The following RBM33 variants were observed in gnomAD, a reference collection of about 807,000 sequenced individuals.
RBM33 encodes the protein RNA-binding protein 33.
A neutral mutation model predicts 132.6 loss-of-function variants in RBM33; 28 were observed. The observed-to-expected ratio is 0.21, with a 90% confidence interval of 0.16 to 0.29. The LOEUF is 0.29. RBM33 is among the 10% of genes least tolerant of loss of function. RBM33 has a pLI of 1.00. For missense variants in RBM33, 1,291 were observed against 1,518.5 expected (o/e 0.85, Z 2.49); for synonymous variants, 634 against 593.0 (o/e 1.07, Z -1.01).
At chr7:155,658,381 T>A (rs1042902955) in intron 1 of RBM33, among the ~76,000 whole-genome samples, 1 of 149,944 alleles carries the variant, frequency 6.7e-6, no homozygotes, top group Non-Finnish European at 1.5e-5. Context: ...AGCATATAGT[T>A]GGATTTTTTT....
intron 7 of RBM33, among the ~76,000 whole-genome samples, chr7:155,711,002 A>G (rs1350699530): frequency 6.6e-6 from 1 of 151,046 alleles, no homozygotes; most frequent in Non-Finnish European, 1.5e-5. Context: ...TGTAGCCCTC[A>G]TTGTGAAGAA....
intron 10 of RBM33, 141 bp from the exon 11 acceptor site, chr7:155,737,919 A>G: frequency 1.2e-6 from 1 of 861,978 alleles, no homozygotes; most frequent in Non-Finnish European, 1.8e-6. Flanking sequence ...AATAAGAGGC[A>G]AAATCTGGAA....
At chr7:155,691,697 G>A (rs1799647347) in intron 5 of RBM33, among the ~76,000 whole-genome samples, 1 of 152,108 alleles carries the variant, frequency 6.6e-6, no homozygotes, top group Non-Finnish European at 1.5e-5. Flanking sequence ...AGTTCTAGAC[G>A]TTTTTAACTT....
rs201816916 is a variant in RBM33 at position 155,697,803 on chromosome 7, C to T, written c.568-2970C>T. ...CGAAATAAAGCCTAAGTGGACCTCT[C>T]TGTTTTTTTAAGTACTTTGATGGTG... On this transcript the variant is annotated intron_variant, in intron 5 of 17. Coordinates refer to ENST00000401878, the MANE Select transcript of RBM33 (RefSeq NM_053043.3). Among the ~76,000 whole-genome samples, 3 of 152,152 alleles carry T rather than the reference C, an allele frequency of 2.0e-5. No individual in the cohort carries two copies. The East Asian group carries it at 5.8e-4, about 29-fold the overall frequency.
chr7:155,726,547 T>C (rs1282588498), intron 9 of RBM33, among the ~76,000 whole-genome samples: 3 of 152,208 alleles, frequency 2.0e-5, no homozygotes, highest in Non-Finnish European at 4.4e-5. Flanking sequence ...AGAGCACTTA[T>C]TTGAGAGGAT....
In RBM33 at chr7:155,644,882, G is replaced by C; in HGVS notation, c.6G>C (p.Ala2=). M[A]AALGASGGAG... ...GGCCGGGCCCCGCGAGTGCCATGGC[G>C]GCCGCCCTGGGAGCGAGCGGAGGAG... The change falls in exon 1 of 18, where the codon GCG becomes GCC. Residue 2 remains alanine, a synonymous_variant. Coordinates refer to ENST00000401878, the MANE Select transcript of RBM33 (RefSeq NM_053043.3). The C allele has an allele frequency of 1.3e-6, 2 of 1,493,794 alleles. No homozygotes were observed. The highest frequency in any genetic ancestry group is 2.2e-5 in the Admixed American group (1 of 46,506). 92.5% of individuals were successfully genotyped at this position (1,493,794 alleles called of 1,614,324 possible). A position where few individuals can be genotyped will look rare whatever the true frequency, so the allele number is the denominator to read the frequency against.
At chr7:155,673,440 G>T (rs1000538176) in intron 3 of RBM33, among the ~76,000 whole-genome samples, 1 of 137,692 alleles carries the variant, frequency 7.3e-6, no homozygotes, top group South Asian at 2.4e-4. Flanking sequence ...GTGTGTGTGT[G>T]TATGTGTATA....
chr7:155,663,092 C>T (rs990988710), intron 1 of RBM33, among the ~76,000 whole-genome samples: 2 of 152,122 alleles, frequency 1.3e-5, no homozygotes, highest in Admixed American at 1.3e-4. Context: ...ACAGTTTTCA[C>T]CAGGCTCACA....
intron 7 of RBM33, among the ~76,000 whole-genome samples, chr7:155,708,294 C>T (rs1800174488): frequency 6.6e-6 from 1 of 152,188 alleles, no homozygotes; most frequent in African/African-American, 2.4e-5. Flanking sequence ...TGTTTTTGAG[C>T]ATCTCTAACA....
intron 3 of RBM33, among the ~76,000 whole-genome samples, chr7:155,677,584 CTG>C (rs1472410472): frequency 6.6e-6 from 1 of 152,204 alleles, no homozygotes; most frequent in Admixed American, 6.5e-5. Context: ...TGCAAATAAA[CTG>C]AGTATGTATC....
Position 155,764,775 on chromosome 7 carries a change from T to C in RBM33, c.3186+757T>C, listed in dbSNP as rs867236687. On this transcript the variant is annotated intron_variant, in intron 15 of 17. Coordinates refer to ENST00000401878, the MANE Select transcript of RBM33 (RefSeq NM_053043.3). ...CTGGGCGCAGCCCTGCTTTGCGCTC[T>C]GGAGAACGGCAAGTCTGCCCGCTCA... is the stretch of plus-strand genomic sequence containing the variant. 7.3e-4 allele frequency among the ~76,000 whole-genome samples: 111 copies of C among 152,284 alleles called. 1 individual carries two copies. The highest frequency in any genetic ancestry group is 3.2e-3 in the Middle Eastern group (1 of 316).
At chr7:155,763,106 A>C (rs766468636) in intron 14 of RBM33, among the ~76,000 whole-genome samples, 2 of 152,202 alleles carry the variant, frequency 1.3e-5, no homozygotes, top group Non-Finnish European at 2.9e-5. Flanking sequence ...AAAACACAAA[A>C]GATAAGATTC....
intron 5 of RBM33, among the ~76,000 whole-genome samples, chr7:155,683,093 A>T (rs73734195): frequency 6.6e-6 from 1 of 151,736 alleles, no homozygotes; most frequent in African/African-American, 2.4e-5. Context: ...TAGTAGTTCA[A>T]TGTCTTTCTG....
intron 8 of RBM33, among the ~76,000 whole-genome samples, chr7:155,712,582 G>T (rs1213350249): frequency 6.6e-6 from 1 of 152,186 alleles, no homozygotes; most frequent in Admixed American, 6.5e-5. Flanking sequence ...GGGTGATCAG[G>T]GTGAACTTCA....
At chr7:155,692,069 A>T (rs1001283268) in intron 5 of RBM33, among the ~76,000 whole-genome samples, 5 of 150,034 alleles carry the variant, frequency 3.3e-5, no homozygotes, top group African/African-American at 7.4e-5. Context: ...AAAAAAGAAA[A>T]TTTTTTTTTT....
At chr7:155,727,246 G>T (rs193031319) in intron 9 of RBM33, among the ~76,000 whole-genome samples, 1 of 152,302 alleles carries the variant, frequency 6.6e-6, no homozygotes, top group East Asian at 1.9e-4. Flanking sequence ...GGCCAGCTGA[G>T]GTATCCCCCA....
intron 5 of RBM33, among the ~76,000 whole-genome samples, chr7:155,690,112 T>C (rs1228650899): frequency 3.3e-5 from 5 of 152,176 alleles, no homozygotes; most frequent in Non-Finnish European, 7.3e-5. Context: ...TCTAAGTCTC[T>C]TTGTAGGTCT....
chr7:155,715,912 ATCT>A (rs1385543744), intron 8 of RBM33, among the ~76,000 whole-genome samples: 6 of 152,220 alleles, frequency 3.9e-5, no homozygotes, highest in Non-Finnish European at 7.3e-5. Context: ...ATATATATAC[ATCT>A]TCTTCTGATG....
intron 12 of RBM33, 130 bp downstream of exon 12, chr7:155,740,156 A>G: frequency 8.3e-7 from 1 of 1,204,668 alleles, no homozygotes; most frequent in Non-Finnish European, 1.1e-6. Flanking sequence ...TGTAGTACAT[A>G]GTTCTGAAGT....
Sources: allele counts gnomAD v4.1 joint callset (sites outside exome capture counted in the v4.1 genomes callset), GRCh38; gene constraint gnomAD v4.1.1; transcripts MANE v1.5; gene names NCBI Gene and HGNC (gene_info 2026-07-23, HGNC 2026-07-21).